PDE4D: variants seen among roughly 807,000 people sequenced by gnomAD.
PDE4D encodes the protein 3',5'-cyclic-AMP phosphodiesterase 4D.
Under a neutral mutation model 87.4 loss-of-function variants are expected in PDE4D, and 24 were observed. The observed-to-expected ratio is 0.27, with a 90% CI of 0.20 to 0.39. The LOEUF (loss-of-function observed/expected upper bound fraction) is 0.39. Ranked by LOEUF, PDE4D falls within the 10% of genes least tolerant of loss-of-function variation. The pLI is 1.00. For synonymous variants in PDE4D, 384 were observed against 383.2 expected (o/e 1.00, Z -0.02); for missense variants, 714 against 1,041.0 (o/e 0.69, Z 4.32).
At chr5:60,102,542 C>A (rs986051034) in intron 2 of PDE4D, among the ~76,000 whole-genome samples, 1 of 152,142 alleles carries the variant, frequency 6.6e-6, no homozygotes, top group Admixed American at 6.5e-5. Context: ...TTCATTTTAA[C>A]ATGACTGTCA....
intron 1 of PDE4D, among the ~76,000 whole-genome samples, chr5:60,478,352 AAGCTGTC>A (rs1748480593): frequency 6.6e-6 from 1 of 152,194 alleles, no homozygotes; most frequent in South Asian, 2.1e-4. Flanking sequence ...TACACTGAGT[AAGCTGTC>A]TGGTTTTCTT....
intron 2 of PDE4D, among the ~76,000 whole-genome samples, chr5:60,128,145 G>T (rs943501865): frequency 2.6e-5 from 4 of 152,112 alleles, no homozygotes; most frequent in Admixed American, 6.6e-5. Context: ...CTGAGATTGG[G>T]ATAACTTATC....
intron 1 of PDE4D, among the ~76,000 whole-genome samples, chr5:59,867,278 G>C (rs1393652913): frequency 6.6e-6 from 1 of 151,796 alleles, no homozygotes; most frequent in Non-Finnish European, 1.5e-5. Context: ...ATGAAATGAG[G>C]ACACATTTTT....
Position 58,973,688 on chromosome 5 carries a change from G to GTATT in PDE4D, c.*972_*975dup, listed in dbSNP as rs1022738915. The GTATT allele has an allele frequency of 7.2e-5, 11 of 152,690 alleles. No individual in the cohort carries two copies. Among genetic ancestry groups the GTATT allele is most frequent in the Admixed American group, 4.6e-4 (7 of 15,290 alleles). The allele number at this position is 152,690 out of a possible 1,614,324, so 9.5% of individuals were successfully genotyped here. ...CACATTTGATATAACACACATAAAA[G>GTATT]TATTATAGAACAAATAGTCACTTTG... On this transcript the variant is annotated 3_prime_UTR_variant, in exon 15 of 15. Coordinates refer to ENST00000340635, the MANE Select transcript of PDE4D (RefSeq NM_001104631.2).
At chr5:59,841,316 A>G (rs901224855) in intron 1 of PDE4D, among the ~76,000 whole-genome samples, 1 of 152,090 alleles carries the variant, frequency 6.6e-6, no homozygotes, top group Non-Finnish European at 1.5e-5. Flanking sequence ...TGCCTCTAAC[A>G]TTGTATTGAA....
At chr5:59,696,572 G>C (rs1307491819) in intron 1 of PDE4D, among the ~76,000 whole-genome samples, 3 of 152,174 alleles carry the variant, frequency 2.0e-5, no homozygotes, top group African/African-American at 7.2e-5. Flanking sequence ...TTCAGGGAAG[G>C]CCTTGTTGGA....
intron 1 of PDE4D, among the ~76,000 whole-genome samples, chr5:59,508,946 GGGGCC>G (rs1451414444): frequency 7.2e-5 from 11 of 151,918 alleles, no homozygotes; most frequent in African/African-American, 2.7e-4. Context: ...ATGACAGAGT[GGGGCC>G]AACATAAGTC....
intron 5 of PDE4D, among the ~76,000 whole-genome samples, chr5:59,096,760 C>T (rs887842903): frequency 1.3e-5 from 2 of 152,102 alleles, no homozygotes; most frequent in Non-Finnish European, 2.9e-5. Flanking sequence ...ATACAGGACC[C>T]ATAGACAGAG....
At chr5:60,078,002 C>G (rs1314951794) in intron 2 of PDE4D, among the ~76,000 whole-genome samples, 1 of 152,134 alleles carries the variant, frequency 6.6e-6, no homozygotes, top group Non-Finnish European at 1.5e-5. Flanking sequence ...CCCTCAGTGC[C>G]TTCCCTGTGA....
At chr5:60,192,194 T>C (rs1562203272) in intron 1 of PDE4D, among the ~76,000 whole-genome samples, 1 of 152,058 alleles carries the variant, frequency 6.6e-6, no homozygotes, top group Non-Finnish European at 1.5e-5. Flanking sequence ...TATCAAAATA[T>C]GGGGTATATT....
intron 1 of PDE4D, among the ~76,000 whole-genome samples, chr5:60,189,422 G>A (rs1785033901): frequency 6.6e-6 from 1 of 152,118 alleles, no homozygotes; most frequent in South Asian, 2.1e-4. Context: ...ATGGTATTAG[G>A]AAAATCCCTT....
chr5:59,480,388 G>A (rs190026919), intron 1 of PDE4D, among the ~76,000 whole-genome samples: 3 of 152,054 alleles, frequency 2.0e-5, no homozygotes, highest in South Asian at 2.1e-4. Flanking sequence ...TGAAGATAAT[G>A]TTCCCACGTA....
intron 1 of PDE4D, among the ~76,000 whole-genome samples, chr5:59,419,523 G>T (rs1311254849): frequency 6.6e-6 from 1 of 152,142 alleles, no homozygotes; most frequent in Non-Finnish European, 1.5e-5. Context: ...CAGGTTCTTT[G>T]TATGATCCAT....
At chr5:60,187,392 T>C (rs1784867663) in intron 1 of PDE4D, among the ~76,000 whole-genome samples, 1 of 152,160 alleles carries the variant, frequency 6.6e-6, no homozygotes, top group Non-Finnish European at 1.5e-5. Context: ...AAATATTCCA[T>C]ATCTAGGGAG....
At chr5:60,296,258 T>A (rs1753374739) in intron 1 of PDE4D, among the ~76,000 whole-genome samples, 1 of 152,218 alleles carries the variant, frequency 6.6e-6, no homozygotes, top group Non-Finnish European at 1.5e-5. Flanking sequence ...CTCAGGACCC[T>A]GAAGATACTG....
At chr5:59,513,180 GT>G (rs1356845985) in intron 1 of PDE4D, among the ~76,000 whole-genome samples, 1 of 151,984 alleles carries the variant, frequency 6.6e-6, no homozygotes, top group East Asian at 1.9e-4. Flanking sequence ...TAATACATTT[GT>G]TTTTTCTTAG....
chr5:60,386,883 T>C (rs933136440), intron 1 of PDE4D, among the ~76,000 whole-genome samples: 1 of 152,242 alleles, frequency 6.6e-6, no homozygotes, highest in African/African-American at 2.4e-5. Flanking sequence ...GCTTGGCATC[T>C]GTTGTTTGTG....
intron 1 of PDE4D, among the ~76,000 whole-genome samples, chr5:59,806,140 G>A (rs945882571): frequency 6.6e-6 from 1 of 152,196 alleles, no homozygotes. Flanking sequence ...CTAACAGGCA[G>A]GTCAGAGCTG....
At chr5:59,583,892 C>T (rs893323857) in intron 1 of PDE4D, among the ~76,000 whole-genome samples, 5 of 152,232 alleles carry the variant, frequency 3.3e-5, no homozygotes, top group Admixed American at 6.5e-5. Context: ...CAAGTCCCGC[C>T]TCTCCAAAGG....
Sources: gnomAD v4.1 joint callset for allele counts (sites outside exome capture counted in the v4.1 genomes callset) on GRCh38, gnomAD v4.1.1 for gene constraint, MANE v1.5 for transcripts, NCBI Gene and HGNC (gene_info 2026-07-23, HGNC 2026-07-21) for gene names.